Variants in LIX1 observed in about 807,000 individuals in gnomAD.
LIX1 encodes limb and CNS expressed 1, also known as protein limb expression 1 homolog.
LIX1 carries 24 observed loss-of-function variants against 33.4 expected under a neutral mutation model. The observed-to-expected ratio is 0.72, with a 90% CI of 0.52 to 1.01. LIX1 has a LOEUF of 1.01. LIX1 is among the 50% of genes least tolerant of loss of function. LIX1 has a pLI of 0.00. For synonymous variants in LIX1, 124 were observed against 124.0 expected, an observed-to-expected ratio of 1.00 and a Z score of 0.00; for missense variants, 311 against 339.2, an observed-to-expected ratio of 0.92 and a Z score of 0.65.
chr5:97,105,545 G>A (rs1746969204), intron 3 of LIX1, among the ~76,000 whole-genome samples: 1 of 152,332 alleles, frequency 6.6e-6, no homozygotes, highest in South Asian at 2.1e-4. Flanking sequence ...CAGGGTTTTG[G>A]TGGTGGTGGT....
intron 1 of LIX1, among the ~76,000 whole-genome samples, chr5:97,136,359 G>A (rs889917473): frequency 1.1e-4 from 16 of 152,120 alleles, no homozygotes; most frequent in Non-Finnish European, 1.6e-4. Flanking sequence ...GGCTTAAAAG[G>A]GTCTTGGCAC....
intron 1 of LIX1, among the ~76,000 whole-genome samples, chr5:97,129,514 C>A (rs1250799854): frequency 1.3e-5 from 2 of 151,986 alleles, no homozygotes; most frequent in Admixed American, 1.3e-4. Flanking sequence ...ATCCTTACAG[C>A]ACCCCCTTGA....
At position 97,105,278 on chromosome 5, in the gene LIX1, A is replaced by G. The variant is rs1439864595; in HGVS notation, c.395T>C (p.Leu132Ser). ...GGTGCTGGGGTCATCTGCATCATCT[A>G]AGGTGCCCTTGGGAAAGAAAGCAGA... Reference protein sequence around the residue: ...QEAVASTSGTLDDADDPSTSV... With the variant: ...QEAVASTSGTSDDADDPSTSV... The change falls in exon 4 of 6, where the codon TTA becomes TCA. Residue 132 changes from leucine (L) to serine (S), a missense_variant. Coordinates refer to ENST00000274382, the MANE Select transcript of LIX1 (RefSeq NM_153234.5). 1.2e-6 allele frequency: 2 copies of G among 1,613,696 alleles called. No individual in the cohort carries two copies.
At position 97,092,661 on chromosome 5, in the gene LIX1, G is replaced by A. The variant is rs1746134479; in HGVS notation, c.*2087C>T. The A allele has an allele frequency of 6.6e-6, 1 of 152,354 alleles. No individual in the cohort carries two copies. The highest frequency in any genetic ancestry group is 2.1e-4 in the South Asian group (1 of 4,828). The allele number at this position is 152,354 out of a possible 1,614,324, so 9.4% of individuals were successfully genotyped here. On this transcript the variant is annotated 3_prime_UTR_variant, in exon 6 of 6. Transcript: ENST00000274382. Reference sequence around the variant, plus strand: ...TCTATATTCAATTTACAGAATGGGTGCAGTTTTTAACTTGTAGGGCACAAA... The same window carrying A: ...TCTATATTCAATTTACAGAATGGGTACAGTTTTTAACTTGTAGGGCACAAA...
At position 97,124,628 on chromosome 5, in the gene LIX1, C is replaced by A; in HGVS notation, c.84G>T (p.Leu28Phe). 1.2e-6 allele frequency: 2 copies of A among 1,607,256 alleles called. No homozygotes were observed. Among genetic ancestry groups the A allele is most frequent in the South Asian group, 2.2e-5 (2 of 89,748 alleles). Residue 28 changes from leucine to phenylalanine, a missense_variant and splice_region_variant, in exon 2 of 6, where the codon TTG (leucine) becomes TTT (phenylalanine). Coordinates refer to ENST00000274382, the MANE Select transcript of LIX1 (RefSeq NM_153234.5). ...ATTCCTGTAACATTGACACAACGTT[C>A]ACTGAAAAAGACAAGAAACACCATC... ...HRDPALVFKD[L>F]NVVSMLQEFW... is the part of the protein sequence containing the mutation.
At position 97,122,179 on chromosome 5, in the gene LIX1, C is replaced by A. The variant is rs143775725; in HGVS notation, c.246+2287G>T. The stretch of plus-strand genomic sequence containing the variant: ...CTACTGTTCGGAGTGGGGAAGGCAA[C>A]ACCTCACTGGCTGGATGGGTCAGAA... On this transcript the variant is annotated intron_variant, in intron 2 of 5. Transcript: ENST00000274382. 2.8e-4 allele frequency among the ~76,000 whole-genome samples: 43 copies of A among 152,286 alleles called. 1 individual carries two copies. The East Asian group carries it at 5.4e-3, about 19-fold the overall frequency.
At chr5:97,100,717 A>G (rs1340969177) in intron 4 of LIX1, among the ~76,000 whole-genome samples, 1 of 151,886 alleles carries the variant, frequency 6.6e-6, no homozygotes, top group African/African-American at 2.4e-5. Context: ...TAGTTTCCCC[A>G]TGATTCTTTG....
At chr5:97,132,456 G>A (rs1748076831) in intron 1 of LIX1, among the ~76,000 whole-genome samples, 1 of 152,158 alleles carries the variant, frequency 6.6e-6, no homozygotes, top group African/African-American at 2.4e-5. Context: ...GCCCTTCTCA[G>A]AGGAATGAGG....
Position 97,138,825 on chromosome 5 carries a change from G to C in LIX1, c.82+3670C>G, listed in dbSNP as rs529914653. 2.0e-5 allele frequency among the ~76,000 whole-genome samples: 3 copies of C among 152,206 alleles called. No individual in the cohort carries two copies. In the South Asian group the frequency reaches 6.2e-4, roughly 32 times the overall value. ...AATCCAAAAACCTAAAATCCAGAATGTTCCAAAATCCAGAACATTTAATTG... is the reference window on the plus strand; with the variant it reads ...AATCCAAAAACCTAAAATCCAGAATCTTCCAAAATCCAGAACATTTAATTG... On this transcript the variant is annotated intron_variant, in intron 1 of 5. Coordinates refer to ENST00000274382, the MANE Select transcript of LIX1 (RefSeq NM_153234.5).
intron 2 of LIX1, among the ~76,000 whole-genome samples, chr5:97,114,547 T>C (rs569431457): frequency 6.6e-6 from 1 of 152,300 alleles, no homozygotes; most frequent in African/African-American, 2.4e-5. Context: ...AACTTTAGTG[T>C]TCATAGTACA....
chr5:97,107,233 C>A, intron 3 of LIX1, 127 bp downstream of exon 3: 1 of 896,398 alleles, frequency 1.1e-6, no homozygotes, highest in Admixed American at 2.6e-5. Flanking sequence ...ATTAACAATT[C>A]AGTGGGTAAA....
At chr5:97,137,176 A>C in intron 1 of LIX1, 1 of 434,918 alleles carries the variant, frequency 2.3e-6, no homozygotes, top group Non-Finnish European at 4.6e-6. Flanking sequence ...AATTGAGTTC[A>C]GACTAACAAA....
intron 1 of LIX1, among the ~76,000 whole-genome samples, chr5:97,130,848 A>G (rs949044752): frequency 1.3e-5 from 2 of 152,212 alleles, no homozygotes; most frequent in African/African-American, 4.8e-5. Flanking sequence ...AATTCATTCT[A>G]CTACCCCTAA....
intron 1 of LIX1, among the ~76,000 whole-genome samples, chr5:97,132,609 T>C (rs1322786364): frequency 1.3e-5 from 2 of 152,170 alleles, no homozygotes; most frequent in African/African-American, 2.4e-5. Flanking sequence ...TTTTAATAAC[T>C]GGATGTGAAC....
rs1025033490 is a variant in LIX1, at chr5:97,092,664, G to C, written c.*2084C>G. 6.6e-6 allele frequency: 1 copy of C among 152,364 alleles called. No individual in the cohort carries two copies. Among genetic ancestry groups the C allele is most frequent in the Non-Finnish European group, 1.5e-5 (1 of 68,042 alleles). 9.4% of individuals were successfully genotyped at this position (152,364 alleles called of 1,614,324 possible). A position where few individuals can be genotyped will look rare whatever the true frequency, so the allele number is the denominator to read the frequency against. On this transcript the variant is annotated 3_prime_UTR_variant, in exon 6 of 6. Transcript: ENST00000274382. ...ATATTCAATTTACAGAATGGGTGCA[G>C]TTTTTAACTTGTAGGGCACAAAGTA...
At chr5:97,097,602 G>A (rs1746457267) in intron 4 of LIX1, among the ~76,000 whole-genome samples, 1 of 152,146 alleles carries the variant, frequency 6.6e-6, no homozygotes, top group South Asian at 2.1e-4. Flanking sequence ...ACATTATTTT[G>A]CAAAACTTAC....
At position 97,096,852 on chromosome 5, in the gene LIX1, A is replaced by G. The variant is rs556141575; in HGVS notation, c.519T>C (p.Asn173=). Residue 173 remains asparagine (N), a synonymous_variant, in exon 5 of 6, where the codon AAT becomes AAC. Transcript: ENST00000274382. ...LMTIFQLLHW[N]GSLKALRETK... ...TTTCACGAAGGGCTTTTAGGCTTCC[A>G]TTCCAGTGCAATAGTTGGAAAATGG... The G allele has an allele frequency of 5.0e-6, 8 of 1,614,094 alleles. No individual in the cohort carries two copies. In the African/African-American group the frequency reaches 9.3e-5, roughly 19 times the overall value.
In LIX1 at chr5:97,104,495, A is replaced by G. The variant is rs1746906462; in HGVS notation, c.483+695T>C. The stretch of plus-strand genomic sequence containing the variant: ...GACCCTGAACCCTAGCTTCAATGAT[A>G]ACATGAGGATAACGATATTATCCAC... On this transcript the variant is annotated intron_variant, in intron 4 of 5. Transcript: ENST00000274382. 3.3e-5 allele frequency among the ~76,000 whole-genome samples: 5 copies of G among 152,220 alleles called. No homozygotes were observed. The South Asian group carries it at 1.0e-3, about 31-fold the overall frequency.
At chr5:97,121,259 G>C (rs1747778632) in intron 2 of LIX1, among the ~76,000 whole-genome samples, 1 of 152,104 alleles carries the variant, frequency 6.6e-6, no homozygotes, top group African/African-American at 2.4e-5. Context: ...TAACCACAGA[G>C]CTGTGCTTTT....
Sources: gnomAD v4.1 joint callset for allele counts (sites outside exome capture counted in the v4.1 genomes callset) on GRCh38, gnomAD v4.1.1 for gene constraint, MANE v1.5 for transcripts, NCBI Gene and HGNC (gene_info 2026-07-23, HGNC 2026-07-21) for gene names.